IL23R: variants seen among roughly 807,000 people sequenced by gnomAD.
The protein encoded by IL23R is interleukin 23 receptor.
A neutral mutation model predicts 56.9 loss-of-function variants in IL23R; 34 were observed. The observed-to-expected ratio is 0.60, with a 90% CI of 0.45 to 0.80. The LOEUF (loss-of-function observed/expected upper bound fraction) is 0.80. Ranked by LOEUF, IL23R falls within the 30% of genes least tolerant of loss-of-function variation. The probability of loss-of-function intolerance (pLI) is 0.00; values close to 1 mark genes in which losing one functional copy is unlikely to be tolerated. For synonymous variants in IL23R, 230 were observed against 249.2 expected (o/e 0.92, Z 0.73); for missense variants, 635 against 730.0 (o/e 0.87, Z 1.50).
intron 6 of IL23R, among the ~76,000 whole-genome samples, chr1:67,210,277 G>A (rs1649363286): frequency 6.6e-6 from 1 of 152,092 alleles, no homozygotes; most frequent in African/African-American, 2.4e-5. Flanking sequence ...CAGCACCTGG[G>A]AACAACGTAA....
chr1:67,165,823 A>G (rs1269406399), upstream of IL23R, among the ~76,000 whole-genome samples: 1 of 152,220 alleles, frequency 6.6e-6, no homozygotes, highest in Non-Finnish European at 1.5e-5. Flanking sequence ...GGTGGAGGGA[A>G]AGGAAGCTAT....
At chr1:67,245,672 G>A (rs1195344717) in intron 9 of IL23R, among the ~76,000 whole-genome samples, 5 of 152,162 alleles carry the variant, frequency 3.3e-5, no homozygotes, top group African/African-American at 9.7e-5. Context: ...CTTGATTGTG[G>A]TGGATAAGCT....
chr1:67,231,229 T>A (rs1022882603), intron 7 of IL23R, among the ~76,000 whole-genome samples: 1 of 152,206 alleles, frequency 6.6e-6, no homozygotes, highest in Non-Finnish European at 1.5e-5. Context: ...GAGATGTCTA[T>A]ACCCTTTGGC....
chr1:67,190,301 T>C (rs903512786), intron 4 of IL23R, among the ~76,000 whole-genome samples: 6 of 152,352 alleles, frequency 3.9e-5, no homozygotes, highest in Non-Finnish European at 8.8e-5. Context: ...AGTAGAATTT[T>C]GTCTGTTTTG....
chr1:67,261,443 T>C (rs1253334165), downstream of IL23R, among the ~76,000 whole-genome samples: 1 of 135,586 alleles, frequency 7.4e-6, no homozygotes, highest in Non-Finnish European at 1.6e-5. Flanking sequence ...TACTTTTACA[T>C]AGTGTAAAAA....
intron 4 of IL23R, among the ~76,000 whole-genome samples, chr1:67,186,271 C>G (rs1220748592): frequency 4.6e-5 from 7 of 152,200 alleles, no homozygotes; most frequent in African/African-American, 1.7e-4. Flanking sequence ...CTCCCAGAAC[C>G]TGGAAGGATC....
At chr1:67,196,774 C>T (rs929146275) in intron 4 of IL23R, among the ~76,000 whole-genome samples, 5 of 152,214 alleles carry the variant, frequency 3.3e-5, no homozygotes, top group Admixed American at 2.6e-4. Flanking sequence ...TATTTTAATG[C>T]TTAAAAAAAT....
chr1:67,211,765 T>C (rs1290502606), intron 6 of IL23R, among the ~76,000 whole-genome samples: 2 of 152,370 alleles, frequency 1.3e-5, no homozygotes, highest in Admixed American at 1.3e-4. Context: ...AACTGTTTTC[T>C]GGTTGAAACT....
chr1:67,262,620 C>A (rs978858347), downstream of IL23R, among the ~76,000 whole-genome samples: 6 of 152,186 alleles, frequency 3.9e-5, no homozygotes, highest in African/African-American at 1.4e-4. Flanking sequence ...CCACTCCCCA[C>A]CTCCCATCTT....
rs559354814 is a variant in IL23R, at chr1:67,191,197, CATT to C, written c.491+8240_491+8242del. Among the ~76,000 whole-genome samples, 78 of 152,302 alleles carry C rather than the reference CATT, an allele frequency of 5.1e-4. No homozygotes were observed. The South Asian group carries it at 0.016, about 32-fold the overall frequency. ...GTCTTGCTAAGCCAGGTCATTGCTT[CATT>C]ACTTTTTCTGTCATCTCTCCTCTCT... On this transcript the variant is annotated intron_variant, in intron 4 of 10. Transcript: ENST00000347310.
intron 9 of IL23R, among the ~76,000 whole-genome samples, chr1:67,242,868 A>C (rs1651939885): frequency 6.6e-6 from 1 of 152,214 alleles, no homozygotes; most frequent in Admixed American, 6.5e-5. Flanking sequence ...ATGCATTGAA[A>C]GTGACAATTG....
rs183001381 is a variant in IL23R at position 67,220,620 on chromosome 1, C to T, written c.955+890C>T. ...CGCTGGTTTACACCTGTAATCCCAG[C>T]ACTTTGGGAGACCAAGGCAGAAAGA... On this transcript the variant is annotated intron_variant, in intron 7 of 10. Transcript: ENST00000347310. Among the ~76,000 whole-genome samples, 12 of 152,240 alleles carry T rather than the reference C, an allele frequency of 7.9e-5. No homozygotes were observed. In the East Asian group the frequency reaches 2.1e-3, roughly 27 times the overall value.
intron 7 of IL23R, among the ~76,000 whole-genome samples, chr1:67,225,514 G>C (rs897476272): frequency 1.4e-5 from 2 of 146,976 alleles, no homozygotes; most frequent in Non-Finnish European, 3.0e-5. Flanking sequence ...AGAATGCTTG[G>C]GCACTTTTTT....
chr1:67,147,769 C>G (rs1418589570), intron 1 of IL23R, among the ~76,000 whole-genome samples: 1 of 152,162 alleles, frequency 6.6e-6, no homozygotes, highest in Non-Finnish European at 1.5e-5. Flanking sequence ...CATTTTGGAA[C>G]TGATAAAATC....
chr1:67,220,996 T>A (rs755213645), intron 7 of IL23R, among the ~76,000 whole-genome samples: 2 of 150,516 alleles, frequency 1.3e-5, no homozygotes, highest in East Asian at 4.0e-4. Flanking sequence ...CCTGGGCAAT[T>A]GTGAGCCATA....
chr1:67,198,953 T>C (rs113946851), intron 4 of IL23R, among the ~76,000 whole-genome samples: 9 of 151,998 alleles, frequency 5.9e-5, no homozygotes, highest in African/African-American at 1.9e-4. Flanking sequence ...TCAAAATCCT[T>C]CATATCCACC....
intron 7 of IL23R, among the ~76,000 whole-genome samples, chr1:67,228,711 A>G (rs1650906281): frequency 6.6e-6 from 1 of 152,092 alleles, no homozygotes. Context: ...AATCAGTTTC[A>G]TTGCTTTTTC....
intron 4 of IL23R, among the ~76,000 whole-genome samples, chr1:67,199,947 C>A (rs965919385): frequency 6.6e-6 from 1 of 152,268 alleles, no homozygotes; most frequent in African/African-American, 2.4e-5. Context: ...GGCTGAAATG[C>A]ACGGATTGCT....
At chr1:67,248,123 G>C (rs1245832896) in intron 9 of IL23R, among the ~76,000 whole-genome samples, 1 of 152,058 alleles carries the variant, frequency 6.6e-6, no homozygotes, top group African/African-American at 2.4e-5. Flanking sequence ...ATATCTTTGT[G>C]GTGTTCTCTA....
Sources: allele counts gnomAD v4.1 joint callset (sites outside exome capture counted in the v4.1 genomes callset), GRCh38; gene constraint gnomAD v4.1.1; transcripts MANE v1.5; gene names NCBI Gene and HGNC (gene_info 2026-07-23, HGNC 2026-07-21).